The following ARHGEF7 variants were observed in gnomAD, a reference collection of about 807,000 sequenced individuals.
The protein encoded by ARHGEF7 is PAK-interacting exchange factor beta.
Under a neutral mutation model 109.8 loss-of-function variants are expected in ARHGEF7, and 33 were observed. The observed-to-expected ratio is 0.30, with a 90% CI of 0.23 to 0.40. ARHGEF7 has a LOEUF of 0.40. Ranked by LOEUF, ARHGEF7 falls within the 10% of genes least tolerant of loss-of-function variation. The pLI is 1.00. For synonymous variants in ARHGEF7, 458 were observed against 424.6 expected (o/e 1.08, Z -0.97); for missense variants, 938 against 1,098.5 (o/e 0.85, Z 2.07).
chr13:111,127,640 C>G (rs2067658503), intron 1 of ARHGEF7, among the ~76,000 whole-genome samples: 1 of 105,916 alleles, frequency 9.4e-6, no homozygotes, highest in African/African-American at 3.8e-5. Flanking sequence ...GAGTGAGACT[C>G]TGTTTCAGAA....
intron 15 of ARHGEF7, chr13:111,281,209 T>TA (rs1555400141): frequency 2.5e-5 from 3 of 118,710 alleles, no homozygotes; most frequent in Non-Finnish European, 5.3e-5. Flanking sequence ...TTTTTTTTTT[T>TA]ACAACTTTTC....
At chr13:111,127,063 G>C (rs1310576689) in intron 1 of ARHGEF7, among the ~76,000 whole-genome samples, 1 of 151,396 alleles carries the variant, frequency 6.6e-6, no homozygotes, top group African/African-American at 2.4e-5. Context: ...GGAAAAGACA[G>C]AAATTACCAA....
At chr13:111,117,795 C>T (rs926372455) in intron 1 of ARHGEF7, among the ~76,000 whole-genome samples, 21 of 152,110 alleles carry the variant, frequency 1.4e-4, no homozygotes, top group African/African-American at 5.1e-4. Context: ...CTCCGGGCCT[C>T]AAGGGATTGT....
chr13:111,115,794 G>A, intron 1 of ARHGEF7, 103 bp downstream of exon 1: 1 of 616,842 alleles, frequency 1.6e-6, no homozygotes, highest in Non-Finnish European at 2.1e-6. Flanking sequence ...GGAAACCCGT[G>A]CGCCCTCCTT....
intron 1 of ARHGEF7, among the ~76,000 whole-genome samples, chr13:111,133,509 C>T (rs1368421759): frequency 2.0e-5 from 3 of 151,816 alleles, no homozygotes; most frequent in South Asian, 4.2e-4. Context: ...CTGCTCAACA[C>T]GAACTTTTGT....
intron 1 of ARHGEF7, among the ~76,000 whole-genome samples, chr13:111,142,074 T>C (rs1234383232): frequency 6.6e-6 from 1 of 152,244 alleles, no homozygotes; most frequent in Non-Finnish European, 1.5e-5. Context: ...TTTTATAATA[T>C]ATGATGTTGG....
At chr13:111,215,185 G>A (rs1181594957) in intron 4 of ARHGEF7, among the ~76,000 whole-genome samples, 2 of 152,036 alleles carry the variant, frequency 1.3e-5, no homozygotes, top group Non-Finnish European at 1.5e-5. Context: ...GGGGGCATCC[G>A]TCCCCTCTAG....
chr13:111,217,136 C>A (rs1414157789), intron 4 of ARHGEF7, among the ~76,000 whole-genome samples: 1 of 152,042 alleles, frequency 6.6e-6, no homozygotes, highest in African/African-American at 2.4e-5. Flanking sequence ...GTCTTCTGAC[C>A]AGAATTTAAT....
intron 18 of ARHGEF7, 74 bp from the exon 19 acceptor site, chr13:111,292,044 G>C: frequency 1.6e-6 from 2 of 1,257,432 alleles, no homozygotes; most frequent in Non-Finnish European, 2.3e-6. Flanking sequence ...TCCATGTTTT[G>C]GTTGTGGCTC....
chr13:111,200,600 G>T (rs1266167639), intron 2 of ARHGEF7, among the ~76,000 whole-genome samples: 1 of 152,190 alleles, frequency 6.6e-6, no homozygotes, highest in Admixed American at 6.5e-5. Flanking sequence ...TATCCACCCT[G>T]CAGGTGCCAG....
intron 2 of ARHGEF7, among the ~76,000 whole-genome samples, chr13:111,171,058 A>G (rs1011685432): frequency 6.6e-6 from 1 of 152,230 alleles, no homozygotes; most frequent in Admixed American, 6.5e-5. Flanking sequence ...TTTTTTTAAA[A>G]TTATTGTTTG....
intron 5 of ARHGEF7, among the ~76,000 whole-genome samples, chr13:111,222,888 C>T (rs191893252): frequency 8.5e-5 from 13 of 152,334 alleles, no homozygotes; most frequent in Admixed American, 8.5e-4. Flanking sequence ...GTTACAAGTA[C>T]CTGCAGTCAA....
At chr13:111,221,841 T>A (rs74319371) in intron 5 of ARHGEF7, among the ~76,000 whole-genome samples, 3,945 of 151,876 alleles carry the variant, frequency 0.026, 81 homozygotes, top group Non-Finnish European at 0.036. Flanking sequence ...TACGTATATG[T>A]GTATATGTAT....
intron 8 of ARHGEF7, among the ~76,000 whole-genome samples, chr13:111,249,880 G>A (rs2089494824): frequency 1.3e-5 from 2 of 152,168 alleles, no homozygotes; most frequent in South Asian, 4.1e-4. Flanking sequence ...GGCAACAAAA[G>A]GCAGACAGTG....
At position 111,154,002 on chromosome 13, in the gene ARHGEF7, GC is replaced by G; in HGVS notation, c.252+12del. On this transcript the variant is annotated intron_variant, in intron 2 of 21. Coordinates refer to ENST00000646102, the MANE Select transcript of ARHGEF7 (RefSeq NM_001354046.2). Reference sequence around the variant, plus strand: ...TCCCTGCGGCTGGAGGTGAGCGCGGGCGGCCACGGGCCGAGGGAGGGGCCGG... The same window carrying G: ...TCCCTGCGGCTGGAGGTGAGCGCGGGGGCCACGGGCCGAGGGAGGGGCCGG... 6.3e-7 allele frequency: 1 copy of G among 1,594,826 alleles called. No homozygotes were observed. Among genetic ancestry groups the G allele is most frequent in the South Asian group, 1.1e-5 (1 of 89,626 alleles).
At chr13:111,283,756 C>T (rs1394015407) in intron 16 of ARHGEF7, among the ~76,000 whole-genome samples, 1 of 152,192 alleles carries the variant, frequency 6.6e-6, no homozygotes, top group Non-Finnish European at 1.5e-5. Context: ...GTTGGGGATC[C>T]TGTCCAGGAG....
chr13:111,164,079 GA>G (rs2076944795), intron 2 of ARHGEF7, among the ~76,000 whole-genome samples: 1 of 152,168 alleles, frequency 6.6e-6, no homozygotes, highest in Non-Finnish European at 1.5e-5. Flanking sequence ...AGAGGCTGGG[GA>G]AATACGGTGA....
At chr13:111,129,001 T>C (rs146937254) in intron 1 of ARHGEF7, among the ~76,000 whole-genome samples, 1 of 152,262 alleles carries the variant, frequency 6.6e-6, no homozygotes, top group East Asian at 1.9e-4. Context: ...AGCACAACGT[T>C]GCAATAAAGA....
In ARHGEF7 at chr13:111,304,812, A is replaced by C. The variant is rs2093625900; in HGVS notation, c.*1699A>C. On this transcript the variant is annotated 3_prime_UTR_variant, in exon 22 of 22. Transcript: ENST00000646102. ...CTAGAATTGCCAGCTTCCTCAACTTAGCAGATCATTCACTCATGCGGGCAC... is the reference window on the plus strand; with the variant it reads ...CTAGAATTGCCAGCTTCCTCAACTTCGCAGATCATTCACTCATGCGGGCAC... 6.6e-6 allele frequency: 1 copy of C among 152,284 alleles called. No homozygotes were observed. The highest frequency in any genetic ancestry group is 1.9e-4 in the East Asian group (1 of 5,190). 9.4% of individuals were successfully genotyped at this position (152,284 alleles called of 1,614,324 possible).
Sources: gnomAD v4.1 joint callset for allele counts (sites outside exome capture counted in the v4.1 genomes callset) on GRCh38, gnomAD v4.1.1 for gene constraint, MANE v1.5 for transcripts, NCBI Gene and HGNC (gene_info 2026-07-23, HGNC 2026-07-21) for gene names.